The following C1orf141 variants were observed in gnomAD, a reference collection of about 807,000 sequenced individuals.
The protein encoded by C1orf141 is chromosome 1 open reading frame 141, also known as uncharacterized protein C1orf141.
In C1orf141, 19 loss-of-function variants were observed where a neutral mutation model predicts 23.2. That is an observed-to-expected ratio of 0.82 (90% confidence interval 0.57 to 1.20). The LOEUF (loss-of-function observed/expected upper bound fraction) is 1.20, where lower values mean the gene tolerates loss of function less well. Among genes scored for constraint, C1orf141 ranks in the 50% most tolerant of loss-of-function variants. The pLI is 0.00. For missense variants in C1orf141, 469 were observed against 455.1 expected, an observed-to-expected ratio of 1.03 and a Z score of -0.28; for synonymous variants, 153 against 154.6, an observed-to-expected ratio of 0.99 and a Z score of 0.08.
chr1:67,120,426 G>T (rs189440915), intron 4 of C1orf141, among the ~76,000 whole-genome samples: 1 of 152,218 alleles, frequency 6.6e-6, no homozygotes, highest in African/African-American at 2.4e-5. Flanking sequence ...TATTTTCCAT[G>T]TAAGAAAGAT....
At chr1:67,132,647 G>A (rs1279434333) in intron 1 of C1orf141, among the ~76,000 whole-genome samples, 2 of 152,110 alleles carry the variant, frequency 1.3e-5, no homozygotes, top group Non-Finnish European at 2.9e-5. Context: ...TACATCTAAC[G>A]GGGATTTGAA....
intron 5 of C1orf141, among the ~76,000 whole-genome samples, chr1:67,109,480 C>A (rs1445277440): frequency 6.6e-6 from 1 of 151,838 alleles, no homozygotes. Flanking sequence ...GCTTCATGAA[C>A]AATTCCTCCA....
chr1:67,106,105 G>A (rs759105866), intron 5 of C1orf141, among the ~76,000 whole-genome samples: 9 of 152,178 alleles, frequency 5.9e-5, no homozygotes, highest in Non-Finnish European at 5.9e-5. Flanking sequence ...TGCTGTTCAC[G>A]AGTCATTTTG....
intron 4 of C1orf141, chr1:67,123,670 G>C (rs1646345414): frequency 6.6e-6 from 1 of 152,104 alleles, no homozygotes; most frequent in African/African-American, 2.4e-5. Flanking sequence ...AGTTTCTAAG[G>C]AGGATCCAAG....
At chr1:67,134,496 T>A (rs1290787529) in intron 1 of C1orf141, among the ~76,000 whole-genome samples, 2 of 152,172 alleles carry the variant, frequency 1.3e-5, no homozygotes, top group African/African-American at 4.8e-5. Flanking sequence ...AGTCGTCAAT[T>A]TGGAAATGTA....
intron 1 of C1orf141, among the ~76,000 whole-genome samples, chr1:67,140,509 T>C (rs1570748595): frequency 6.6e-6 from 1 of 152,304 alleles, no homozygotes; most frequent in East Asian, 1.9e-4. Flanking sequence ...CAATAAAATA[T>C]AATCTTTTTC....
chr1:67,115,485 T>C (rs1440242462), intron 4 of C1orf141, 21 bp from the exon 5 acceptor site: 1 of 959,930 alleles, frequency 1.0e-6, no homozygotes, highest in Non-Finnish European at 1.6e-6. Flanking sequence ...TAAAAATTAA[T>C]TTAAATTAAA....
chr1:67,118,810 C>A (rs1445467574), intron 4 of C1orf141, among the ~76,000 whole-genome samples: 1 of 152,160 alleles, frequency 6.6e-6, no homozygotes, highest in Admixed American at 6.5e-5. Context: ...CGTGAAGATA[C>A]AAAGAAACAG....
Position 67,093,229 on chromosome 1 carries a change from G to C in C1orf141, c.979C>G (p.Gln327Glu), listed in dbSNP as rs1213537895. The change falls in exon 8 of 8, where the codon CAA (glutamine) becomes GAA (glutamate). Residue 327 changes from glutamine (Q) to glutamate (E), a missense_variant. Gln to Glu is a conservative substitution (Grantham distance 29, BLOSUM62 2). This residue lies in a region of C1orf141 where 370 missense variants were observed against 348.1 expected (regional missense o/e 1.06). Coordinates refer to ENST00000684719, the MANE Select transcript of C1orf141 (RefSeq NM_001276351.2). ...FSQNFSSLTK[Q>E]FVGYLDKAVI... ...GCTTTATCAAGGTAACCCACAAATT[G>C]TTTTGTTAGGCTAGAAAAATTCTGT... The C allele has an allele frequency of 6.2e-7, 1 of 1,613,854 alleles. No individual in the cohort carries two copies.
In C1orf141 at chr1:67,093,245, A is replaced by G; in HGVS notation, c.963T>C (p.Phe321=). Residue 321 remains phenylalanine, a synonymous_variant, in exon 8 of 8, where the codon TTT becomes TTC. Coordinates refer to ENST00000684719, the MANE Select transcript of C1orf141 (RefSeq NM_001276351.2). ...CCACAAATTGTTTTGTTAGGCTAGAAAAATTCTGTGAGAAATTATAGAGTG... is the reference window on the plus strand; with the variant it reads ...CCACAAATTGTTTTGTTAGGCTAGAGAAATTCTGTGAGAAATTATAGAGTG... ...WNTLYNFSQN[F]SSLTKQFVGY... 6.2e-7 allele frequency: 1 copy of G among 1,613,932 alleles called. No individual in the cohort carries two copies. The highest frequency in any genetic ancestry group is 1.1e-5 in the South Asian group (1 of 91,072).
chr1:67,099,922 T>G (rs1005286586), intron 5 of C1orf141, among the ~76,000 whole-genome samples: 1 of 152,240 alleles, frequency 6.6e-6, no homozygotes, highest in African/African-American at 2.4e-5. Context: ...TGTGAATATT[T>G]GCTGCACTTG....
chr1:67,140,577 T>C (rs1646627551), intron 1 of C1orf141, among the ~76,000 whole-genome samples: 1 of 152,202 alleles, frequency 6.6e-6, no homozygotes, highest in African/African-American at 2.4e-5. Context: ...TATGCTCTAC[T>C]GGTTGAACTG....
chr1:67,092,933 G>T lies in C1orf141; in HGVS notation c.*72C>A. On this transcript the variant is annotated 3_prime_UTR_variant, in exon 8 of 8. Transcript: ENST00000684719. ...AATTAGAACATTACTATTTGGATAA[G>T]AATTTCTTTTATAATTTTGGAACTT... is the stretch of plus-strand genomic sequence containing the variant. The T allele has an allele frequency of 2.5e-6, 3 of 1,198,380 alleles. No homozygotes were observed. In the South Asian group the frequency reaches 4.6e-5, roughly 18 times the overall value. The allele number at this position is 1,198,380 out of a possible 1,614,324, so 74.2% of individuals were successfully genotyped here. A position where few individuals can be genotyped will look rare whatever the true frequency, so the allele number is the denominator to read the frequency against.
chr1:67,118,783 T>C (rs1044529636), intron 4 of C1orf141, among the ~76,000 whole-genome samples: 1 of 152,208 alleles, frequency 6.6e-6, no homozygotes, highest in Non-Finnish European at 1.5e-5. Context: ...TTTGCCTTTC[T>C]CTCTATCTCC....
At chr1:67,095,475 A>G (rs1412573868) in intron 6 of C1orf141, 54 bp from the exon 7 acceptor site, 2 of 1,021,212 alleles carry the variant, frequency 2.0e-6, no homozygotes, top group Non-Finnish European at 2.8e-6. Flanking sequence ...ACAGCTTGTC[A>G]GTTCTTGTCT....
intron 4 of C1orf141, among the ~76,000 whole-genome samples, chr1:67,117,427 G>GA (rs571365942): frequency 6.0e-5 from 9 of 150,040 alleles, no homozygotes; most frequent in South Asian, 2.1e-4. Flanking sequence ...TGTCTCGAAA[G>GA]AAAAAAAAAA....
chr1:67,136,324 A>G (rs570101352), upstream of C1orf141, among the ~76,000 whole-genome samples: 11 of 152,290 alleles, frequency 7.2e-5, no homozygotes, highest in Non-Finnish European at 1.5e-4. Context: ...TACAGATGTG[A>G]GTAGCCACTG....
chr1:67,095,408 G>A lies in C1orf141; in HGVS notation c.430C>T (p.Gln144Ter), dbSNP rs745312251. 3 of 1,527,712 alleles carry A rather than the reference G, an allele frequency of 2.0e-6. No individual in the cohort carries two copies. The highest frequency in any genetic ancestry group is 1.4e-5 in the African/African-American group (1 of 71,274). The allele number at this position is 1,527,712 out of a possible 1,614,324, so 94.6% of individuals were successfully genotyped here. The change falls in exon 7 of 8, where the codon CAG (glutamine) becomes TAG (stop). Residue 144 changes from glutamine (Q) to a stop codon, truncating the protein, a stop_gained. Coordinates refer to ENST00000684719, the MANE Select transcript of C1orf141 (RefSeq NM_001276351.2). LOFTEE classifies it high-confidence loss of function. ...TCTTTTATATTAAAATCGTTCATCT[G>A]TGGAGATTTTTTTCTGAAAATAAAC... is the stretch of plus-strand genomic sequence containing the variant. ...GDRNKRKKSP[Q>*]MNDFNIKENK... is the part of the protein sequence containing the mutation.
At chr1:67,128,592 G>A (rs991407150) in intron 2 of C1orf141, among the ~76,000 whole-genome samples, 9 of 151,708 alleles carry the variant, frequency 5.9e-5, no homozygotes, top group Admixed American at 2.6e-4. Flanking sequence ...TAATCCCAGC[G>A]ATTTGGGAGG....
Sources: gnomAD v4.1 joint callset for allele counts (sites outside exome capture counted in the v4.1 genomes callset) on GRCh38, gnomAD v4.1.1 for gene constraint, gnomAD v4.1.1 regional missense constraint, MANE v1.5 for transcripts, NCBI Gene and HGNC (gene_info 2026-07-23, HGNC 2026-07-21) for gene names.